The following MALRD1 variants were observed in gnomAD, a reference collection of about 807,000 sequenced individuals.
MALRD1 encodes MAM and LDL receptor class A domain containing 1.
Under a neutral mutation model 242.1 loss-of-function variants are expected in MALRD1, and 247 were observed. The observed-to-expected ratio is 1.02, with a 90% confidence interval of 0.92 to 1.13. MALRD1 has a LOEUF of 1.13. Ranked by LOEUF, MALRD1 falls within the 50% of genes most tolerant of loss-of-function variation. The probability of loss-of-function intolerance (pLI) is 0.00; values close to 1 mark genes in which losing one functional copy is unlikely to be tolerated. For synonymous variants in MALRD1, 995 were observed against 866.6 expected (o/e 1.15, Z -2.60); for missense variants, 2,989 against 2,533.1 (o/e 1.18, Z -3.86).
At chr10:19,078,540 G>T (rs1380015653) in intron 2 of MALRD1, among the ~76,000 whole-genome samples, 1 of 151,854 alleles carries the variant, frequency 6.6e-6, no homozygotes, top group East Asian at 1.9e-4. Flanking sequence ...TGGCCTTATA[G>T]AATGAGTTGG....
chr10:19,286,497 T>A (rs1196629984), intron 21 of MALRD1, among the ~76,000 whole-genome samples: 1 of 152,190 alleles, frequency 6.6e-6, no homozygotes, highest in Non-Finnish European at 1.5e-5. Context: ...TTTTTCTGCA[T>A]CTATTGAGAT....
chr10:19,530,938 C>T (rs769524948), intron 31 of MALRD1, among the ~76,000 whole-genome samples: 1 of 152,138 alleles, frequency 6.6e-6, no homozygotes, highest in Non-Finnish European at 1.5e-5. Context: ...AATACACCTT[C>T]ATATTCAAAA....
At chr10:19,053,458 T>C (rs1834568444) in intron 1 of MALRD1, among the ~76,000 whole-genome samples, 1 of 152,178 alleles carries the variant, frequency 6.6e-6, no homozygotes, top group Non-Finnish European at 1.5e-5. Flanking sequence ...GAAGCTGGTG[T>C]GGACAGCAGA....
intron 21 of MALRD1, among the ~76,000 whole-genome samples, chr10:19,318,652 C>G (rs891589400): frequency 6.6e-5 from 10 of 151,814 alleles, no homozygotes; most frequent in African/African-American, 2.4e-4. Flanking sequence ...GTCTCCAGAT[C>G]TATTAGCCTT....
intron 11 of MALRD1, among the ~76,000 whole-genome samples, chr10:19,150,371 A>G (rs1001719509): frequency 1.3e-5 from 2 of 151,860 alleles, no homozygotes; most frequent in Non-Finnish European, 2.9e-5. Context: ...CATGCACACG[A>G]TCGGTCCTTA....
intron 18 of MALRD1, among the ~76,000 whole-genome samples, chr10:19,216,193 C>T (rs1039041408): frequency 5.4e-5 from 8 of 148,858 alleles, no homozygotes; most frequent in Non-Finnish European, 1.2e-4. Context: ...TCTCAGCTCA[C>T]TGCAACCTCT....
intron 31 of MALRD1, among the ~76,000 whole-genome samples, chr10:19,509,022 A>G (rs1833275359): frequency 6.6e-6 from 1 of 152,212 alleles, no homozygotes; most frequent in Non-Finnish European, 1.5e-5. Context: ...AGTACTTTGG[A>G]GAAAAAGAGA....
intron 35 of MALRD1, among the ~76,000 whole-genome samples, chr10:19,611,205 A>ACTAAGTAT (rs1838879163): frequency 6.6e-6 from 1 of 151,996 alleles, no homozygotes; most frequent in Admixed American, 6.6e-5. Context: ...TCTTATACTT[A>ACTAAGTAT]GAGTACCTAG....
chr10:19,338,794 A>G (rs1244067468), intron 24 of MALRD1, among the ~76,000 whole-genome samples: 1 of 146,690 alleles, frequency 6.8e-6, no homozygotes, highest in African/African-American at 2.7e-5. Context: ...AAACTAAGAT[A>G]TTATTGATTA....
At chr10:19,496,940 G>C (rs1314551616) in intron 30 of MALRD1, among the ~76,000 whole-genome samples, 1 of 152,112 alleles carries the variant, frequency 6.6e-6, no homozygotes, top group African/African-American at 2.4e-5. Context: ...TTAGCCTTAA[G>C]AAAGAGAAAA....
intron 14 of MALRD1, among the ~76,000 whole-genome samples, chr10:19,182,398 T>C (rs28599581): frequency 0.44 from 63,615 of 145,556 alleles, 14,281 homozygotes; most frequent in Admixed American, 0.5. Context: ...GATATGGGCT[T>C]ACTGCCAGCT....
intron 28 of MALRD1, among the ~76,000 whole-genome samples, chr10:19,446,337 G>A (rs916780329): frequency 6.6e-6 from 1 of 152,010 alleles, no homozygotes. Flanking sequence ...AGTTGGAAAT[G>A]CAGAAAAATA....
At chr10:19,191,441 A>G (rs1210796751) in intron 14 of MALRD1, among the ~76,000 whole-genome samples, 2 of 152,212 alleles carry the variant, frequency 1.3e-5, no homozygotes, top group East Asian at 3.8e-4. Flanking sequence ...CAATTCTTCA[A>G]AAAAATTAAA....
At chr10:19,244,428 G>T (rs533684426) in intron 18 of MALRD1, among the ~76,000 whole-genome samples, 2 of 152,040 alleles carry the variant, frequency 1.3e-5, no homozygotes, top group South Asian at 2.1e-4. Context: ...AATATTAGCT[G>T]GATATGGTGG....
chr10:19,570,112 C>T (rs955357175), intron 33 of MALRD1, among the ~76,000 whole-genome samples: 4 of 152,070 alleles, frequency 2.6e-5, no homozygotes, highest in Non-Finnish European at 4.4e-5. Flanking sequence ...AAACAAAACA[C>T]TAAGACCTTT....
chr10:19,413,977 A>AAC (rs1833395682), intron 28 of MALRD1, among the ~76,000 whole-genome samples: 2 of 151,394 alleles, frequency 1.3e-5, no homozygotes. Context: ...AAAAAAAAAA[A>AAC]ACAATGATTT....
intron 19 of MALRD1, among the ~76,000 whole-genome samples, chr10:19,262,169 A>C (rs941526995): frequency 2.0e-5 from 3 of 152,022 alleles, no homozygotes; most frequent in Non-Finnish European, 2.9e-5. Context: ...ATTTGTTTCA[A>C]TACTTTTATA....
intron 26 of MALRD1, among the ~76,000 whole-genome samples, chr10:19,383,747 C>T (rs904669111): frequency 2.6e-5 from 4 of 151,702 alleles, no homozygotes; most frequent in Non-Finnish European, 4.4e-5. Flanking sequence ...CTTCCAATAA[C>T]AAAAACTTTA....
chr10:19,074,188 C>A (rs1210847195), intron 2 of MALRD1, among the ~76,000 whole-genome samples: 1 of 152,046 alleles, frequency 6.6e-6, no homozygotes, highest in Non-Finnish European at 1.5e-5. Context: ...TCTTCCTATA[C>A]CCAAACTCCT....
Sources: allele counts gnomAD v4.1 joint callset (sites outside exome capture counted in the v4.1 genomes callset), GRCh38; gene constraint gnomAD v4.1.1; transcripts MANE v1.5; gene names NCBI Gene and HGNC (gene_info 2026-07-23, HGNC 2026-07-21).